The following OPCML variants were observed in gnomAD, a reference collection of about 807,000 sequenced individuals.
OPCML encodes opioid binding protein/cell adhesion molecule like, also known as opioid-binding protein/cell adhesion molecule.
OPCML carries 13 observed loss-of-function variants against 37.8 expected under a neutral mutation model. That is an observed-to-expected ratio of 0.34 (90% CI 0.22 to 0.55). OPCML has a LOEUF of 0.55. OPCML is among the 20% of genes least tolerant of loss of function. The pLI, the probability that OPCML is intolerant of heterozygous loss-of-function variation, is 0.91. For synonymous variants in OPCML, 176 were observed against 168.8 expected, an observed-to-expected ratio of 1.04 and a Z score of -0.33; for missense variants, 341 against 435.6, an observed-to-expected ratio of 0.78 and a Z score of 1.93.
intron 1 of OPCML, among the ~76,000 whole-genome samples, chr11:133,389,122 G>A (rs994092085): frequency 1.3e-5 from 2 of 152,196 alleles, no homozygotes; most frequent in Non-Finnish European, 2.9e-5. Context: ...GAGTGTGTTA[G>A]AGACAACAGC....
chr11:133,047,436 A>G (rs1043480077), intron 1 of OPCML, among the ~76,000 whole-genome samples: 3 of 152,330 alleles, frequency 2.0e-5, no homozygotes, highest in South Asian at 4.1e-4. Context: ...TTATTATTCA[A>G]TAATTGTCCT....
chr11:132,604,312 C>T (rs968480632), intron 3 of OPCML, among the ~76,000 whole-genome samples: 4 of 152,022 alleles, frequency 2.6e-5, no homozygotes, highest in Non-Finnish European at 5.9e-5. Flanking sequence ...GAGTCCGTGC[C>T]TTGCTTCTGT....
intron 1 of OPCML, among the ~76,000 whole-genome samples, chr11:133,350,922 G>A (rs1944122417): frequency 6.6e-6 from 1 of 152,122 alleles, no homozygotes; most frequent in Admixed American, 6.5e-5. Context: ...ATAGAGAGTT[G>A]GACGGCAGGC....
chr11:132,439,458 A>T (rs1447492960), intron 4 of OPCML, among the ~76,000 whole-genome samples: 3 of 152,192 alleles, frequency 2.0e-5, no homozygotes. Context: ...CAGCAGACAT[A>T]ATGATCCAGG....
At chr11:132,915,337 A>G (rs996013993) in intron 2 of OPCML, among the ~76,000 whole-genome samples, 3 of 152,196 alleles carry the variant, frequency 2.0e-5, no homozygotes, top group Admixed American at 1.3e-4. Context: ...TGGCATCCAC[A>G]TGTGCTATGA....
At chr11:132,487,246 C>T (rs2096202796) in intron 4 of OPCML, among the ~76,000 whole-genome samples, 1 of 152,196 alleles carries the variant, frequency 6.6e-6, no homozygotes, top group Non-Finnish European at 1.5e-5. Context: ...ATCCACCTGT[C>T]AGAATTTTCT....
At chr11:133,172,630 A>G (rs1399913267) in intron 1 of OPCML, among the ~76,000 whole-genome samples, 3 of 152,144 alleles carry the variant, frequency 2.0e-5, no homozygotes, top group Non-Finnish European at 4.4e-5. Context: ...CAGTGGCGAC[A>G]CAGTCAGATT....
At chr11:132,648,956 G>A (rs1009583132) in intron 3 of OPCML, among the ~76,000 whole-genome samples, 4 of 151,966 alleles carry the variant, frequency 2.6e-5, no homozygotes, top group Non-Finnish European at 4.4e-5. Flanking sequence ...TCCCCCTCTC[G>A]TCTCCTAGAC....
At chr11:132,463,695 T>A (rs1425233580) in intron 4 of OPCML, among the ~76,000 whole-genome samples, 1 of 152,208 alleles carries the variant, frequency 6.6e-6, no homozygotes, top group Non-Finnish European at 1.5e-5. Context: ...CCAATGGAGG[T>A]GCACAGACTG....
At chr11:133,411,321 C>T (rs1945646581) in intron 1 of OPCML, among the ~76,000 whole-genome samples, 1 of 152,182 alleles carries the variant, frequency 6.6e-6, no homozygotes, top group Admixed American at 6.5e-5. Context: ...ACTTTTTCCA[C>T]ATCTGAGTTT....
intron 1 of OPCML, among the ~76,000 whole-genome samples, chr11:133,402,366 G>T (rs1426163751): frequency 6.6e-6 from 1 of 152,130 alleles, no homozygotes; most frequent in Non-Finnish European, 1.5e-5. Context: ...TCTCAACATT[G>T]TTGCATCGGG....
intron 1 of OPCML, among the ~76,000 whole-genome samples, chr11:133,369,169 T>G (rs1485416139): frequency 6.6e-6 from 1 of 152,160 alleles, no homozygotes; most frequent in Non-Finnish European, 1.5e-5. Context: ...GAGAAAAACA[T>G]GGGCCCTGGC....
At chr11:133,355,346 A>T (rs573634075) in intron 1 of OPCML, among the ~76,000 whole-genome samples, 1 of 152,348 alleles carries the variant, frequency 6.6e-6, no homozygotes, top group East Asian at 1.9e-4. Context: ...CAATTTTCAC[A>T]ACATGTCCTG....
intron 2 of OPCML, among the ~76,000 whole-genome samples, chr11:132,831,466 C>T (rs1016729944): frequency 2.6e-5 from 4 of 152,222 alleles, no homozygotes; most frequent in Admixed American, 2.6e-4. Context: ...ATTAATGCAG[C>T]TGTGTCAGTT....
chr11:133,055,624 C>A (rs1414006745), intron 1 of OPCML, among the ~76,000 whole-genome samples: 16 of 147,670 alleles, frequency 1.1e-4, no homozygotes, highest in Admixed American at 3.3e-4. Context: ...CTCCATGATA[C>A]TTCCAAGTGG....
chr11:132,778,380 T>A (rs1946879303), intron 2 of OPCML, among the ~76,000 whole-genome samples: 1 of 152,186 alleles, frequency 6.6e-6, no homozygotes, highest in South Asian at 2.1e-4. Flanking sequence ...TTCTTCATCA[T>A]CTACATGGCA....
At position 133,426,022 on chromosome 11, in the gene OPCML, A is replaced by G. The variant is rs1945995588; in HGVS notation, c.61+106242T>C. Among the ~76,000 whole-genome samples the G allele has an allele frequency of 2.0e-5, 3 of 152,142 alleles. No individual in the cohort carries two copies. In the South Asian group the frequency reaches 6.2e-4, roughly 32 times the overall value. ...GAGCATTGATTTAGACTCCTCATAT[A>G]CTTTTGTTCTTTCCACCCAAGTCCC... On this transcript the variant is annotated intron_variant, in intron 1 of 7. Transcript: ENST00000524381.
chr11:132,541,692 T>C (rs1247507570), intron 3 of OPCML, among the ~76,000 whole-genome samples: 1 of 152,122 alleles, frequency 6.6e-6, no homozygotes, highest in Non-Finnish European at 1.5e-5. Context: ...AGGGGTTAAA[T>C]AACTTGCTAA....
chr11:133,032,760 G>A lies in OPCML; in HGVS notation c.62-89750C>T, dbSNP rs184561997. The stretch of plus-strand genomic sequence containing the variant: ...GTTATCACCTGTGGCAGGATCCTCC[G>A]TGACTATTGCATTATTCCGACCTGG... On this transcript the variant is annotated intron_variant, in intron 1 of 7. Transcript: ENST00000524381. Among the ~76,000 whole-genome samples, 18 of 152,270 alleles carry A rather than the reference G, an allele frequency of 1.2e-4. No individual in the cohort carries two copies. The East Asian group carries it at 1.7e-3, about 15-fold the overall frequency.
Sources: gnomAD v4.1 joint callset for allele counts (sites outside exome capture counted in the v4.1 genomes callset) on GRCh38, gnomAD v4.1.1 for gene constraint, MANE v1.5 for transcripts, NCBI Gene and HGNC (gene_info 2026-07-23, HGNC 2026-07-21) for gene names.